Variants in ARID1B observed in about 807,000 individuals in gnomAD.
The protein encoded by ARID1B is AT-rich interactive domain-containing protein 1B.
In ARID1B, 30 loss-of-function variants were observed where a neutral mutation model predicts 212.3. That is an observed-to-expected ratio of 0.14 (90% CI 0.11 to 0.19). ARID1B has a LOEUF of 0.19. Among genes scored for constraint, ARID1B ranks in the 10% least tolerant of loss-of-function variants. ARID1B has a pLI of 1.00. For missense variants in ARID1B, 2,891 were observed against 3,204.0 expected (o/e 0.90, Z 2.36); for synonymous variants, 1,402 against 1,301.7 (o/e 1.08, Z -1.66).
intron 4 of ARID1B, chr6:157,024,237 C>T (rs1042179196): frequency 6.6e-6 from 1 of 152,218 alleles, no homozygotes; most frequent in Non-Finnish European, 1.5e-5. Context: ...GTCATTTCAT[C>T]CCAAACGCTG....
rs367809905 is a variant in ARID1B, at chr6:157,198,906, C to T, written c.4478C>T (p.Pro1493Leu). Residue 1493 changes from proline (P) to leucine (L), a missense_variant and splice_region_variant, in exon 17 of 20, where the codon CCG (proline) becomes CTG (leucine). Pro to Leu is a moderately conservative substitution (Grantham distance 98). Transcript: ENST00000636930. ...CAGCCCGGCCTGTACCCACAGCAGC[C>T]GGTGAGTTGGCAAGTGGGCGTGGGG... The part of the protein sequence containing the change: ...GHQPGLYPQQ[P>L]NYKRHMDGMY... The T allele has an allele frequency of 1.4e-5, 23 of 1,598,960 alleles. No individual in the cohort carries two copies. Among genetic ancestry groups the T allele is most frequent in the African/African-American group, 1.2e-4 (9 of 74,786 alleles).
In ARID1B at chr6:156,779,443, C is replaced by A. The variant is rs1193612503; in HGVS notation, c.1763C>A (p.Thr588Asn). The change falls in exon 1 of 20, where the codon ACC becomes AAC. Residue 588 changes from threonine to asparagine, a missense_variant. Coordinates refer to ENST00000636930, the MANE Select transcript of ARID1B (RefSeq NM_001374828.1). The stretch of plus-strand genomic sequence containing the variant: ...AGTCACCCGGCGATGAGCCCCGGCA[C>A]CCCCGGACCGACCATGGGCAGATCC... ...QRSHPAMSPG[T>N]PGPTMGRSQG... 2 of 1,457,362 alleles carry A rather than the reference C, an allele frequency of 1.4e-6. No individual in the cohort carries two copies. The highest frequency in any genetic ancestry group is 2.5e-5 in the South Asian group (2 of 79,236). The allele number at this position is 1,457,362 out of a possible 1,614,324, so 90.3% of individuals were successfully genotyped here.
intron 6 of ARID1B, among the ~76,000 whole-genome samples, chr6:157,130,922 T>C (rs1788501487): frequency 6.6e-6 from 1 of 152,220 alleles, no homozygotes; most frequent in Non-Finnish European, 1.5e-5. Flanking sequence ...AACTGTCCTT[T>C]GTTAGTGTGC....
intron 7 of ARID1B, among the ~76,000 whole-genome samples, chr6:157,142,314 A>T (rs1562297369): frequency 6.6e-6 from 1 of 152,064 alleles, no homozygotes; most frequent in Non-Finnish European, 1.5e-5. Flanking sequence ...GGATTATAGA[A>T]TTTTTTATAT....
intron 1 of ARID1B, among the ~76,000 whole-genome samples, chr6:156,802,880 T>A (rs990911710): frequency 3.9e-5 from 6 of 152,246 alleles, no homozygotes; most frequent in Non-Finnish European, 8.8e-5. Flanking sequence ...TATGTAGCTG[T>A]GTGTTATTTG....
At chr6:157,048,771 T>G (rs536789096) in intron 4 of ARID1B, among the ~76,000 whole-genome samples, 1 of 152,372 alleles carries the variant, frequency 6.6e-6, no homozygotes, top group Non-Finnish European at 1.5e-5. Context: ...ATGGAATCAC[T>G]AAGCAGAGAG....
chr6:157,186,560 A>G (rs1407518910), intron 13 of ARID1B: 1 of 470,640 alleles, frequency 2.1e-6, no homozygotes, highest in Non-Finnish European at 4.4e-6. Flanking sequence ...CAGTCCCATC[A>G]TTAGGGAAAG....
At chr6:157,097,739 G>A (rs1472543201) in intron 5 of ARID1B, among the ~76,000 whole-genome samples, 1 of 152,210 alleles carries the variant, frequency 6.6e-6, no homozygotes, top group Non-Finnish European at 1.5e-5. Flanking sequence ...AAGGGAGCAG[G>A]CAGGCGCCTC....
intron 3 of ARID1B, among the ~76,000 whole-genome samples, chr6:156,934,450 G>A (rs1015802520): frequency 2.6e-5 from 4 of 152,184 alleles, no homozygotes; most frequent in Admixed American, 6.5e-5. Flanking sequence ...CAGAAAGGCC[G>A]TGTTAATTAT....
intron 4 of ARID1B, among the ~76,000 whole-genome samples, chr6:157,018,538 ACT>A (rs1292687533): frequency 6.6e-6 from 1 of 151,474 alleles, no homozygotes; most frequent in Non-Finnish European, 1.5e-5. Context: ...TTATGATAAA[ACT>A]CTGCTTCCTG....
intron 2 of ARID1B, among the ~76,000 whole-genome samples, chr6:156,841,139 G>A (rs1783871912): frequency 6.6e-6 from 1 of 152,206 alleles, no homozygotes; most frequent in South Asian, 2.1e-4. Context: ...TTGAGCCTCT[G>A]TAGTGAGAGC....
chr6:156,998,084 A>G (rs145738489), intron 4 of ARID1B, among the ~76,000 whole-genome samples: 1 of 152,310 alleles, frequency 6.6e-6, no homozygotes, highest in Non-Finnish European at 1.5e-5. Flanking sequence ...GCGGGCTTGC[A>G]GTCCTTGCAT....
At chr6:156,805,439 A>G (rs750560477) in intron 1 of ARID1B, among the ~76,000 whole-genome samples, 25 of 152,196 alleles carry the variant, frequency 1.6e-4, no homozygotes, top group Non-Finnish European at 3.5e-4. Context: ...TTTAAAGCAT[A>G]TAGGATGTTG....
At chr6:156,978,361 C>T (rs1490100280) in intron 4 of ARID1B, among the ~76,000 whole-genome samples, 1 of 152,202 alleles carries the variant, frequency 6.6e-6, no homozygotes, top group African/African-American at 2.4e-5. Context: ...AAAATGATTG[C>T]ACCACAGATC....
intron 7 of ARID1B, among the ~76,000 whole-genome samples, chr6:157,138,606 C>G (rs1016818170): frequency 1.3e-5 from 2 of 152,182 alleles, no homozygotes; most frequent in Admixed American, 6.5e-5. Flanking sequence ...TAGATTCATT[C>G]TGTGCAGTCA....
chr6:156,904,574 C>T (rs58331435), intron 3 of ARID1B, among the ~76,000 whole-genome samples: 1 of 152,330 alleles, frequency 6.6e-6, no homozygotes, highest in African/African-American at 2.4e-5. Context: ...AATTCACACT[C>T]CCATCTGCAC....
At chr6:156,858,549 T>C (rs1785105159) in intron 2 of ARID1B, among the ~76,000 whole-genome samples, 1 of 152,086 alleles carries the variant, frequency 6.6e-6, no homozygotes, top group East Asian at 1.9e-4. Flanking sequence ...TCAGATCACT[T>C]GAGGTCAGGA....
At chr6:156,784,615 T>C (rs1779507013) in intron 1 of ARID1B, among the ~76,000 whole-genome samples, 1 of 152,248 alleles carries the variant, frequency 6.6e-6, no homozygotes, top group Non-Finnish European at 1.5e-5. Flanking sequence ...ATATACTATA[T>C]AGTTTTAATT....
chr6:156,950,763 A>G (rs1238281186), intron 4 of ARID1B, among the ~76,000 whole-genome samples: 1 of 152,214 alleles, frequency 6.6e-6, no homozygotes, highest in East Asian at 1.9e-4. Context: ...ACCGTTGCAA[A>G]TAGATTAATG....
Sources: allele counts gnomAD v4.1 joint callset (sites outside exome capture counted in the v4.1 genomes callset), GRCh38; gene constraint gnomAD v4.1.1; transcripts MANE v1.5; gene names NCBI Gene and HGNC (gene_info 2026-07-23, HGNC 2026-07-21).